The following ANO6 variants were observed in gnomAD, a reference collection of about 807,000 sequenced individuals.
ANO6 encodes the protein anoctamin 6, also known as anoctamin-6.
Under a neutral mutation model 117.5 loss-of-function variants are expected in ANO6, and 106 were observed. The observed-to-expected ratio is 0.90, with a 90% CI of 0.77 to 1.06. ANO6 has a LOEUF of 1.06. Ranked by LOEUF, ANO6 falls within the 50% of genes least tolerant of loss-of-function variation. The pLI is 0.00. For missense variants in ANO6, 955 were observed against 1,121.1 expected (o/e 0.85, Z 2.12); for synonymous variants, 367 against 385.1 (o/e 0.95, Z 0.55).
At chr12:45,287,550 G>T (rs1938957387) in intron 1 of ANO6, among the ~76,000 whole-genome samples, 1 of 152,218 alleles carries the variant, frequency 6.6e-6, no homozygotes, top group Admixed American at 6.5e-5. Context: ...CTGTGGGAAT[G>T]GTGAAAAGTA....
intron 2 of ANO6, among the ~76,000 whole-genome samples, chr12:45,321,956 GT>G (rs1218226637): frequency 1.3e-5 from 2 of 152,074 alleles, no homozygotes; most frequent in South Asian, 2.1e-4. Flanking sequence ...GTGACAACTT[GT>G]TTTTTTCACT....
At chr12:45,385,541 G>C (rs756373260) in intron 10 of ANO6, among the ~76,000 whole-genome samples, 1 of 152,088 alleles carries the variant, frequency 6.6e-6, no homozygotes, top group Non-Finnish European at 1.5e-5. Flanking sequence ...TTGGCTCATG[G>C]GTGGCTCATT....
chr12:45,348,663 C>A, intron 6 of ANO6, 32 bp downstream of exon 6: 1 of 1,495,918 alleles, frequency 6.7e-7, no homozygotes, highest in Non-Finnish European at 9.3e-7. Context: ...AACTAAAAGG[C>A]CTTCTGTATA....
At chr12:45,218,493 C>G (rs567043530) in intron 1 of ANO6, among the ~76,000 whole-genome samples, 3 of 149,198 alleles carry the variant, frequency 2.0e-5, no homozygotes, top group Middle Eastern at 6.8e-3. Context: ...CTACGGGGCT[C>G]AAGCGATCCT....
chr12:45,218,305 AT>A (rs1224769884), intron 1 of ANO6, among the ~76,000 whole-genome samples: 1 of 148,380 alleles, frequency 6.7e-6, no homozygotes, highest in Non-Finnish European at 1.5e-5. Flanking sequence ...TCTTGGCAAT[AT>A]TTTTTTCTTC....
chr12:45,339,766 T>C (rs554440614), intron 3 of ANO6, among the ~76,000 whole-genome samples: 2 of 152,242 alleles, frequency 1.3e-5, no homozygotes, highest in Non-Finnish European at 2.9e-5. Context: ...TAATTTTTTT[T>C]CCACAAATTA....
chr12:45,368,353 C>T (rs958921664), intron 9 of ANO6, among the ~76,000 whole-genome samples: 1 of 152,178 alleles, frequency 6.6e-6, no homozygotes, highest in Non-Finnish European at 1.5e-5. Flanking sequence ...AACCTGAAAT[C>T]TGTACTTCTG....
At chr12:45,286,767 G>A (rs1212233980) in intron 1 of ANO6, among the ~76,000 whole-genome samples, 2 of 152,182 alleles carry the variant, frequency 1.3e-5, no homozygotes, top group Non-Finnish European at 2.9e-5. Flanking sequence ...TAAGTAACCA[G>A]GCTAAACACT....
intron 1 of ANO6, among the ~76,000 whole-genome samples, chr12:45,218,592 G>A (rs1028939966): frequency 1.1e-4 from 16 of 151,630 alleles, no homozygotes; most frequent in South Asian, 6.3e-4. Flanking sequence ...ATTTAATGTG[G>A]GTTGTAGTGA....
intron 13 of ANO6, 81 bp from the exon 14 acceptor site, chr12:45,402,991 A>T: frequency 1.5e-6 from 2 of 1,301,574 alleles, no homozygotes; most frequent in Non-Finnish European, 2.2e-6. Context: ...TAACGTGTTA[A>T]CTCATGTATC....
intron 2 of ANO6, among the ~76,000 whole-genome samples, chr12:45,307,261 G>A (rs968260882): frequency 2.6e-5 from 4 of 152,102 alleles, no homozygotes; most frequent in African/African-American, 9.7e-5. Flanking sequence ...GGGGCAGAGA[G>A]ACCTATTAGA....
At chr12:45,372,548 G>A (rs375962284) in intron 9 of ANO6, among the ~76,000 whole-genome samples, 2 of 142,548 alleles carry the variant, frequency 1.4e-5, no homozygotes, top group African/African-American at 5.3e-5. Context: ...GAGAGTGGGG[G>A]CCAATATTCA....
chr12:45,285,319 A>G (rs1938872789), intron 1 of ANO6, among the ~76,000 whole-genome samples: 1 of 152,216 alleles, frequency 6.6e-6, no homozygotes. Context: ...ATATAATTTT[A>G]AGTTACAGAA....
intron 1 of ANO6, among the ~76,000 whole-genome samples, chr12:45,283,580 A>G (rs1938811766): frequency 6.6e-6 from 1 of 152,226 alleles, no homozygotes; most frequent in African/African-American, 2.4e-5. Context: ...ATATAATTTA[A>G]TGTTTCCATG....
At chr12:45,278,797 T>C (rs1224101701) in intron 1 of ANO6, among the ~76,000 whole-genome samples, 1 of 152,200 alleles carries the variant, frequency 6.6e-6, no homozygotes, top group African/African-American at 2.4e-5. Context: ...TCTAGAAAGA[T>C]GGCTGGAAGT....
intron 9 of ANO6, among the ~76,000 whole-genome samples, chr12:45,373,716 A>G (rs1460278272): frequency 1.0e-3 from 154 of 152,222 alleles, no homozygotes; most frequent in African/African-American, 3.6e-3. Flanking sequence ...AAAGCAGTGT[A>G]TAGAGGGAAA....
intron 1 of ANO6, among the ~76,000 whole-genome samples, chr12:45,226,886 T>C (rs1050542624): frequency 1.3e-5 from 2 of 151,422 alleles, no homozygotes; most frequent in African/African-American, 4.8e-5. Context: ...TTTGAAACAA[T>C]TGCATTGTTT....
At chr12:45,364,404 C>CT (rs1941631954) in intron 8 of ANO6, among the ~76,000 whole-genome samples, 1 of 152,084 alleles carries the variant, frequency 6.6e-6, no homozygotes, top group African/African-American at 2.4e-5. Context: ...TGTTTCTCTC[C>CT]TTTTTTCTCT....
intron 1 of ANO6, among the ~76,000 whole-genome samples, chr12:45,288,770 C>T (rs748553976): frequency 1.9e-4 from 29 of 152,036 alleles, no homozygotes; most frequent in Non-Finnish European, 2.9e-4. Flanking sequence ...TTTTGTTTGA[C>T]GGAGTCTCAC....
Sources: allele counts gnomAD v4.1 joint callset (sites outside exome capture counted in the v4.1 genomes callset), GRCh38; gene constraint gnomAD v4.1.1; transcripts MANE v1.5; gene names NCBI Gene and HGNC (gene_info 2026-07-23, HGNC 2026-07-21).